The following ZZZ3 variants were observed in gnomAD, a reference collection of about 807,000 sequenced individuals.
ZZZ3 encodes the protein zinc finger ZZ-type containing 3.
A neutral mutation model predicts 95.2 loss-of-function variants in ZZZ3; 22 were observed. That is an observed-to-expected ratio of 0.23 (90% CI 0.17 to 0.33). The LOEUF is 0.33. Ranked by LOEUF, ZZZ3 falls within the 10% of genes least tolerant of loss-of-function variation. The probability of loss-of-function intolerance (pLI) is 1.00; values close to 1 mark genes in which losing one functional copy is unlikely to be tolerated. For synonymous variants in ZZZ3, 335 were observed against 358.9 expected (o/e 0.93, Z 0.75); for missense variants, 885 against 1,066.5 (o/e 0.83, Z 2.37).
Position 77,679,058 on chromosome 1 carries a change from A to G in ZZZ3, c.-403+3527T>C, listed in dbSNP as rs370317877. On this transcript the variant is annotated intron_variant, in intron 1 of 14. Coordinates refer to ENST00000370801, the MANE Select transcript of ZZZ3 (RefSeq NM_015534.6). ...CTACATAAATGAGAAAAATCAGCTGAAAAGAAAAACAGAAAGGTGAGAACG... is the reference window on the plus strand; with the variant it reads ...CTACATAAATGAGAAAAATCAGCTGGAAAGAAAAACAGAAAGGTGAGAACG... 4.7e-4 allele frequency among the ~76,000 whole-genome samples: 71 copies of G among 152,352 alleles called. No individual in the cohort carries two copies. In the South Asian group the frequency reaches 0.014, roughly 30 times the overall value.
intron 5 of ZZZ3, among the ~76,000 whole-genome samples, chr1:77,593,576 G>C (rs1298156169): frequency 6.6e-6 from 1 of 152,106 alleles, no homozygotes; most frequent in Non-Finnish European, 1.5e-5. Flanking sequence ...AAGAGGAAAG[G>C]GGCAAGGTAT....
At chr1:77,654,869 G>T (rs749452425) in intron 1 of ZZZ3, among the ~76,000 whole-genome samples, 1 of 151,774 alleles carries the variant, frequency 6.6e-6, no homozygotes. Context: ...AGCTGGTCTC[G>T]AACTCCTGTA....
At chr1:77,669,566 T>G (rs1003479021) in intron 1 of ZZZ3, among the ~76,000 whole-genome samples, 1 of 150,710 alleles carries the variant, frequency 6.6e-6, no homozygotes, top group African/African-American at 2.4e-5. Flanking sequence ...CAAGCGATTC[T>G]CCTGCCACAG....
chr1:77,595,820 C>G (rs556371543), intron 5 of ZZZ3, among the ~76,000 whole-genome samples: 1 of 152,036 alleles, frequency 6.6e-6, no homozygotes, highest in East Asian at 1.9e-4. Flanking sequence ...CTCTGAGCAT[C>G]CTATTTAGCA....
intron 1 of ZZZ3, among the ~76,000 whole-genome samples, chr1:77,676,090 A>T (rs1672240760): frequency 6.6e-6 from 1 of 152,226 alleles, no homozygotes; most frequent in South Asian, 2.1e-4. Context: ...TAAACTGTTA[A>T]TCTTAGGAGT....
intron 4 of ZZZ3, among the ~76,000 whole-genome samples, chr1:77,634,569 C>T (rs1179696320): frequency 6.6e-6 from 1 of 152,112 alleles, no homozygotes; most frequent in African/African-American, 2.4e-5. Context: ...GAAGCAAATA[C>T]TTACATTTAA....
intron 12 of ZZZ3, among the ~76,000 whole-genome samples, chr1:77,573,431 T>C (rs1326754464): frequency 3.9e-5 from 6 of 152,184 alleles, no homozygotes; most frequent in Non-Finnish European, 7.4e-5. Context: ...CTGAAGTACT[T>C]TTTTAAATGT....
At chr1:77,674,597 A>G (rs1268195407) in intron 1 of ZZZ3, among the ~76,000 whole-genome samples, 1 of 152,192 alleles carries the variant, frequency 6.6e-6, no homozygotes, top group East Asian at 1.9e-4. Context: ...TGTGTGTATT[A>G]TACTTTAATT....
intron 5 of ZZZ3, among the ~76,000 whole-genome samples, chr1:77,631,082 A>T (rs1413155855): frequency 6.6e-6 from 1 of 152,200 alleles, no homozygotes; most frequent in African/African-American, 2.4e-5. Context: ...GTAAGCTCCA[A>T]ATCTTTTGTG....
At chr1:77,613,086 TG>T (rs1382901361) in intron 5 of ZZZ3, among the ~76,000 whole-genome samples, 1 of 152,226 alleles carries the variant, frequency 6.6e-6, no homozygotes, top group East Asian at 1.9e-4. Context: ...GTAAATAAAG[TG>T]TCTGATAGTC....
intron 3 of ZZZ3, among the ~76,000 whole-genome samples, chr1:77,640,040 G>A (rs1318439807): frequency 1.3e-5 from 2 of 151,718 alleles, no homozygotes; most frequent in African/African-American, 4.8e-5. Context: ...TTTAGGTTAT[G>A]CATAAAAGAA....
chr1:77,661,116 A>G (rs1383806368), intron 1 of ZZZ3, among the ~76,000 whole-genome samples: 1 of 151,752 alleles, frequency 6.6e-6, no homozygotes, highest in African/African-American at 2.4e-5. Flanking sequence ...AACACCATAC[A>G]GTTAACAATG....
intron 5 of ZZZ3, among the ~76,000 whole-genome samples, chr1:77,601,980 G>T (rs769415443): frequency 6.6e-6 from 1 of 152,178 alleles, no homozygotes; most frequent in Non-Finnish European, 1.5e-5. Flanking sequence ...AGGAAGTTCC[G>T]CTCTGCTAAT....
Position 77,576,082 on chromosome 1 carries a change from C to A in ZZZ3, c.2317G>T (p.Val773Phe). The A allele has an allele frequency of 6.2e-7, 1 of 1,608,604 alleles. No individual in the cohort carries two copies. ...GTATAACTTACTGATGCATCTTCAA[C>A]AGCAGTGTTCATGTGGCTATGAAAA... Reference protein sequence around the residue: ...SCFHSHMNTAVEDASDDESIP... With the variant: ...SCFHSHMNTAFEDASDDESIP... The change falls in exon 12 of 15, where the codon GTT (valine) becomes TTT (phenylalanine). Residue 773 changes from valine (V) to phenylalanine (F), a missense_variant. Coordinates refer to ENST00000370801, the MANE Select transcript of ZZZ3 (RefSeq NM_015534.6).
intron 1 of ZZZ3, among the ~76,000 whole-genome samples, chr1:77,646,333 G>A (rs561260146): frequency 1.1e-4 from 16 of 151,672 alleles, no homozygotes; most frequent in South Asian, 6.3e-4. Context: ...TGATCCTCCC[G>A]CCTCAGCCTC....
intron 12 of ZZZ3, among the ~76,000 whole-genome samples, chr1:77,569,904 G>A (rs17385707): frequency 0.13 from 19,159 of 151,802 alleles, 1,608 homozygotes; most frequent in Non-Finnish European, 0.19. Context: ...GACTGATCCC[G>A]TGCTCACTTA....
At chr1:77,602,977 T>G (rs1664885549) in intron 5 of ZZZ3, among the ~76,000 whole-genome samples, 1 of 151,890 alleles carries the variant, frequency 6.6e-6, no homozygotes, top group Admixed American at 6.6e-5. Flanking sequence ...TTAAATTAAT[T>G]AGTCAGACCT....
At chr1:77,598,127 C>A (rs1223248532) in intron 5 of ZZZ3, among the ~76,000 whole-genome samples, 1 of 152,004 alleles carries the variant, frequency 6.6e-6, no homozygotes, top group Non-Finnish European at 1.5e-5. Flanking sequence ...ACTTTTGACT[C>A]CCGAAAACTT....
chr1:77,569,759 C>T (rs1482361548), intron 12 of ZZZ3, among the ~76,000 whole-genome samples: 1 of 152,120 alleles, frequency 6.6e-6, no homozygotes, highest in African/African-American at 2.4e-5. Flanking sequence ...TCCTACTTCT[C>T]TCATATTCTC....
Sources: gnomAD v4.1 joint callset for allele counts (sites outside exome capture counted in the v4.1 genomes callset) on GRCh38, gnomAD v4.1.1 for gene constraint, MANE v1.5 for transcripts, NCBI Gene and HGNC (gene_info 2026-07-23, HGNC 2026-07-21) for gene names.